Variants in HNRNPA2B1 observed in about 807,000 individuals in gnomAD.
HNRNPA2B1 encodes heterogeneous nuclear ribonucleoprotein A2/B1, also known as heterogeneous nuclear ribonucleoproteins A2/B1.
In HNRNPA2B1, 3 loss-of-function variants were observed where a neutral mutation model predicts 46.3. The observed-to-expected ratio is 0.06, with a 90% CI of 0.03 to 0.17. The LOEUF is 0.17. HNRNPA2B1 is among the 10% of genes least tolerant of loss of function. The probability of loss-of-function intolerance (pLI) is 1.00; values close to 1 mark genes in which losing one functional copy is unlikely to be tolerated. For synonymous variants in HNRNPA2B1, 225 were observed against 133.8 expected (o/e 1.68, Z -4.70); for missense variants, 221 against 418.9 (o/e 0.53, Z 4.12).
At chr7:26,200,069 G>C (rs1050957513) in intron 1 of HNRNPA2B1, 51 of 167,922 alleles carry the variant, frequency 3.0e-4, no homozygotes, top group East Asian at 3.5e-4. Flanking sequence ...CTTCTTGATA[G>C]AGAAAGCACA....
Position 26,196,642 on chromosome 7 carries a change from G to A in HNRNPA2B1, c.492C>T (p.Thr164=), listed in dbSNP as rs1243998718. The change falls in exon 5 of 11, where the codon ACC becomes ACT. Residue 164 remains threonine, a synonymous_variant. Coordinates refer to ENST00000618183, the MANE Select transcript of HNRNPA2B1 (RefSeq NM_002137.4). The part of the protein sequence containing the change: ...VDKIVLQKYH[T]INGHNAEVRK... ...TTACTTCTGCATTATGACCATTGAT[G>A]GTATGGTATTTCTGCACTGGAATGA... 4 of 1,613,314 alleles carry A rather than the reference G, an allele frequency of 2.5e-6. No homozygotes were observed. The highest frequency in any genetic ancestry group is 4.5e-5 in the East Asian group (2 of 44,864).
chr7:26,190,303 G>A lies in HNRNPA2B1; in HGVS notation c.*2057C>T, dbSNP rs529883406. The A allele has an allele frequency of 6.6e-6, 1 of 152,574 alleles. No individual in the cohort carries two copies. Among genetic ancestry groups the A allele is most frequent in the African/African-American group, 2.4e-5 (1 of 41,522 alleles). 9.5% of individuals were successfully genotyped at this position (152,574 alleles called of 1,614,324 possible). ...TTTATATCAAGAACCTCAACTAAAT[G>A]TTTGTTTTATCAGAAAACATTTCCC... On this transcript the variant is annotated 3_prime_UTR_variant, in exon 11 of 11. Transcript: ENST00000618183.
chr7:26,196,272 G>A (rs955072633), intron 6 of HNRNPA2B1, 129 bp downstream of exon 6: 4 of 734,796 alleles, frequency 5.4e-6, no homozygotes, highest in African/African-American at 3.6e-5. Context: ...GAGCTTGCCA[G>A]GATACAATCT....
In HNRNPA2B1 at chr7:26,196,328, T is replaced by C. The variant is rs1783632664; in HGVS notation, c.658+73A>G. On this transcript the variant is annotated intron_variant, in intron 6 of 10. Transcript: ENST00000618183. ...TGACTTAGGTTGGATTTCTTGATTC[T>C]ACTAATGAAAACCTAATCATATTTA... 3.3e-6 allele frequency: 4 copies of C among 1,226,172 alleles called. No individual in the cohort carries two copies. In the South Asian group the frequency reaches 5.3e-5, roughly 16 times the overall value. The allele number at this position is 1,226,172 out of a possible 1,614,324, so 76.0% of individuals were successfully genotyped here.
chr7:26,195,804 G>T (rs765295499), intron 7 of HNRNPA2B1, 43 bp downstream of exon 7: 4 of 1,596,806 alleles, frequency 2.5e-6, no homozygotes, highest in Non-Finnish European at 3.4e-6. Flanking sequence ...ATATAGTTAA[G>T]TATTAGTCAC....
At chr7:26,198,222 T>G (rs1315436062) in intron 1 of HNRNPA2B1, 1 of 178,248 alleles carries the variant, frequency 5.6e-6, no homozygotes, top group African/African-American at 2.3e-5. Flanking sequence ...ATCTGAAAAG[T>G]ATCATTTATT....
In HNRNPA2B1 at chr7:26,190,580, G is replaced by C. The variant is rs113021382; in HGVS notation, c.*1780C>G. 1 of 152,196 alleles carries C rather than the reference G, an allele frequency of 6.6e-6. No individual in the cohort carries two copies. The highest frequency in any genetic ancestry group is 2.4e-5 in the African/African-American group (1 of 41,438). 9.4% of individuals were successfully genotyped at this position (152,196 alleles called of 1,614,324 possible). A position where few individuals can be genotyped will look rare whatever the true frequency, so the allele number is the denominator to read the frequency against. Reference sequence around the variant, plus strand: ...CTCATTGGTGTATAGAGTAAGCCCTGAGTATCACATTCCTGTAAAGGCAAT... The same window carrying C: ...CTCATTGGTGTATAGAGTAAGCCCTCAGTATCACATTCCTGTAAAGGCAAT... On this transcript the variant is annotated 3_prime_UTR_variant, in exon 11 of 11. Transcript: ENST00000618183.
rs922500124 is a variant in HNRNPA2B1 at position 26,190,611 on chromosome 7, C to T, written c.*1749G>A. 1 of 152,164 alleles carries T rather than the reference C, an allele frequency of 6.6e-6. No homozygotes were observed. The highest frequency in any genetic ancestry group is 1.5e-5 in the Non-Finnish European group (1 of 68,016). 9.4% of individuals were successfully genotyped at this position (152,164 alleles called of 1,614,324 possible). ...CACATTCCTGTAAAGGCAATAAAGCCGGGCAATCAAACTGATCATATCTAA... is the reference window on the plus strand; with the variant it reads ...CACATTCCTGTAAAGGCAATAAAGCTGGGCAATCAAACTGATCATATCTAA... On this transcript the variant is annotated 3_prime_UTR_variant, in exon 11 of 11. Coordinates refer to ENST00000618183, the MANE Select transcript of HNRNPA2B1 (RefSeq NM_002137.4).
In HNRNPA2B1 at chr7:26,190,136, A is replaced by G. The variant is rs1278986521; in HGVS notation, c.*2224T>C. 6.6e-6 allele frequency: 1 copy of G among 152,656 alleles called. No homozygotes were observed. Among genetic ancestry groups the G allele is most frequent in the Non-Finnish European group, 1.5e-5 (1 of 68,026 alleles). 9.5% of individuals were successfully genotyped at this position (152,656 alleles called of 1,614,324 possible). On this transcript the variant is annotated 3_prime_UTR_variant, in exon 11 of 11. Transcript: ENST00000618183. Reference sequence around the variant, plus strand: ...CATTACACCAAGTATTTGGATACAAAAAGTATTTATTTTATAAACTTTATA... The same window carrying G: ...CATTACACCAAGTATTTGGATACAAGAAGTATTTATTTTATAAACTTTATA...
intron 1 of HNRNPA2B1, chr7:26,198,938 T>C (rs887726195): frequency 6.6e-6 from 1 of 152,242 alleles, no homozygotes; most frequent in African/African-American, 2.4e-5. Flanking sequence ...TTCAGATTTT[T>C]TTCCTGTAGT....
chr7:26,194,128 G>C (rs543085419), intron 7 of HNRNPA2B1, among the ~76,000 whole-genome samples: 1 of 152,322 alleles, frequency 6.6e-6, no homozygotes, highest in South Asian at 2.1e-4. Context: ...GGGCACAGTG[G>C]CTCATGCCTG....
chr7:26,193,392 A>G lies in HNRNPA2B1; in HGVS notation c.842-19T>C, dbSNP rs760114177. 8 of 1,607,054 alleles carry G rather than the reference A, an allele frequency of 5.0e-6. No homozygotes were observed. The highest frequency in any genetic ancestry group is 2.2e-5 in the East Asian group (1 of 44,836). On this transcript the variant is annotated intron_variant, in intron 8 of 10. Transcript: ENST00000618183. ...TAATTTCCTATTAAAAAATTGGAAT[A>G]CTCAGAACAATACAAACATTAAACC...
At chr7:26,198,461 T>C (rs76814747) in intron 1 of HNRNPA2B1, 2,888 of 152,610 alleles carry the variant, frequency 0.019, 82 homozygotes, top group East Asian at 0.1. Flanking sequence ...CATGTCTATA[T>C]TTGATATATG....
intron 1 of HNRNPA2B1, 189 bp from the exon 2 acceptor site, chr7:26,197,921 T>A (rs1382552440): frequency 2.2e-5 from 30 of 1,364,714 alleles, no homozygotes; most frequent in Non-Finnish European, 3.0e-5. Context: ...AAACTGCATA[T>A]TAGTTGTGTT....
chr7:26,197,238 A>C, intron 3 of HNRNPA2B1, 77 bp downstream of exon 3: 2 of 1,476,316 alleles, frequency 1.4e-6, no homozygotes, highest in African/African-American at 1.4e-5. Flanking sequence ...GTTAAAACTA[A>C]ATTCAGAAAT....
At chr7:26,197,172 G>A (rs1783738820) in intron 3 of HNRNPA2B1, 143 bp downstream of exon 3, 2 of 1,194,334 alleles carry the variant, frequency 1.7e-6, no homozygotes, top group African/African-American at 1.5e-5. Context: ...AAATAAGCTA[G>A]CTTAAGAAAA....
intron 1 of HNRNPA2B1, chr7:26,198,727 A>T (rs1783977377): frequency 6.6e-6 from 1 of 152,262 alleles, no homozygotes; most frequent in Admixed American, 6.5e-5. Context: ...AACTAGGTTA[A>T]AAAACCTCAA....
intron 7 of HNRNPA2B1, 68 bp from the exon 8 acceptor site, chr7:26,193,762 A>G: frequency 7.7e-7 from 1 of 1,301,202 alleles, no homozygotes; most frequent in South Asian, 1.3e-5. Flanking sequence ...GTCTCCTCAC[A>G]TCCATTTCCA....
In HNRNPA2B1 at chr7:26,200,741, G is replaced by A. The variant is rs916025504; in HGVS notation, c.-164C>T. The stretch of plus-strand genomic sequence containing the variant: ...CCTCCGCACGGGACCCGGCGCTGCT[G>A]CTACTGCCGCTAGAGCCGCTGCCGC... On this transcript the variant is annotated 5_prime_UTR_variant, in exon 1 of 11. Coordinates refer to ENST00000618183, the MANE Select transcript of HNRNPA2B1 (RefSeq NM_002137.4). The A allele has an allele frequency of 7.5e-5, 62 of 831,614 alleles. No homozygotes were observed. The East Asian group carries it at 1.1e-3, about 15-fold the overall frequency. The allele number at this position is 831,614 out of a possible 1,614,324, so 51.5% of individuals were successfully genotyped here.
Sources: allele counts gnomAD v4.1 joint callset (sites outside exome capture counted in the v4.1 genomes callset), GRCh38; gene constraint gnomAD v4.1.1; transcripts MANE v1.5; gene names NCBI Gene and HGNC (gene_info 2026-07-23, HGNC 2026-07-21).